Variants in PTPRD observed in about 807,000 individuals in gnomAD.
The protein encoded by PTPRD is protein tyrosine phosphatase receptor type D, also known as receptor-type tyrosine-protein phosphatase delta.
A neutral mutation model predicts 214.5 loss-of-function variants in PTPRD; 34 were observed. The ratio of observed to expected loss-of-function variants is 0.16; its 90% confidence interval spans 0.12 to 0.21. The LOEUF (loss-of-function observed/expected upper bound fraction) is 0.21. Ranked by LOEUF, PTPRD falls within the 10% of genes least tolerant of loss-of-function variation. PTPRD has a pLI of 1.00. For synonymous variants in PTPRD, 1,128 were observed against 845.7 expected (o/e 1.33, Z -5.79); for missense variants, 2,545 against 2,398.7 (o/e 1.06, Z -1.27).
intron 9 of PTPRD, among the ~76,000 whole-genome samples, chr9:9,239,450 G>A (rs971726401): frequency 9.9e-5 from 15 of 152,040 alleles, no homozygotes; most frequent in Admixed American, 2.6e-4. Context: ...ATGATAAATC[G>A]AACCTAAGAG....
intron 3 of PTPRD, among the ~76,000 whole-genome samples, chr9:10,089,206 A>AAAATAAAT (rs34355367): frequency 0.03 from 4,250 of 142,578 alleles, 92 homozygotes; most frequent in African/African-American, 0.048. Context: ...AATCAGTCTC[A>AAAATAAAT]AAATAAATAA....
chr9:8,325,981 G>A (rs887182244), intron 44 of PTPRD, among the ~76,000 whole-genome samples: 5 of 152,098 alleles, frequency 3.3e-5, no homozygotes, highest in Admixed American at 6.6e-5. Flanking sequence ...TGAGATGATG[G>A]GGTTTTCTAA....
At chr9:9,402,394 A>G (rs1168542176) in intron 8 of PTPRD, among the ~76,000 whole-genome samples, 3 of 152,158 alleles carry the variant, frequency 2.0e-5, no homozygotes, top group African/African-American at 7.2e-5. Context: ...GTTTGAATTT[A>G]TACCACCCAC....
intron 8 of PTPRD, among the ~76,000 whole-genome samples, chr9:9,560,369 A>C (rs978926050): frequency 4.6e-5 from 7 of 152,220 alleles, no homozygotes; most frequent in African/African-American, 1.7e-4. Context: ...TGCATCTTGC[A>C]GGGACTAGGC....
At chr9:8,688,917 T>C (rs1031205265) in intron 12 of PTPRD, among the ~76,000 whole-genome samples, 2 of 152,226 alleles carry the variant, frequency 1.3e-5, no homozygotes, top group African/African-American at 4.8e-5. Context: ...TATGCCTGTA[T>C]TCATATCATT....
chr9:9,476,109 G>A (rs2095019662), intron 8 of PTPRD, among the ~76,000 whole-genome samples: 1 of 152,134 alleles, frequency 6.6e-6, no homozygotes, highest in African/African-American at 2.4e-5. Flanking sequence ...TCATCTTTTG[G>A]TGAGAAAACA....
intron 5 of PTPRD, among the ~76,000 whole-genome samples, chr9:9,927,096 C>A (rs1402770860): frequency 6.6e-6 from 1 of 152,098 alleles, no homozygotes. Context: ...CCGCTATAAA[C>A]ATCACAGATT....
At chr9:8,734,663 G>T (rs747301225) in intron 11 of PTPRD, among the ~76,000 whole-genome samples, 1 of 152,230 alleles carries the variant, frequency 6.6e-6, no homozygotes, top group Non-Finnish European at 1.5e-5. Context: ...AGCACCTACT[G>T]TGTGCAAGGC....
intron 12 of PTPRD, among the ~76,000 whole-genome samples, chr9:8,708,302 C>T (rs781075947): frequency 1.3e-5 from 2 of 152,010 alleles, no homozygotes; most frequent in Non-Finnish European, 2.9e-5. Flanking sequence ...GAAAAGGGAA[C>T]CCATACACGC....
chr9:9,614,377 T>C (rs2094723386), intron 7 of PTPRD, among the ~76,000 whole-genome samples: 1 of 152,162 alleles, frequency 6.6e-6, no homozygotes, highest in African/African-American at 2.4e-5. Flanking sequence ...TTTTCTTTTA[T>C]TATTTTCTCT....
intron 11 of PTPRD, among the ~76,000 whole-genome samples, chr9:9,009,598 T>C (rs1041112442): frequency 6.6e-6 from 1 of 151,856 alleles, no homozygotes; most frequent in African/African-American, 2.4e-5. Flanking sequence ...ACTGTAAAAA[T>C]TTTTATGAGT....
At chr9:9,109,616 C>T (rs1414133728) in intron 10 of PTPRD, among the ~76,000 whole-genome samples, 1 of 152,010 alleles carries the variant, frequency 6.6e-6, no homozygotes, top group African/African-American at 2.4e-5. Flanking sequence ...AAGAGAGCCA[C>T]AAAGAGCTCA....
At chr9:8,461,981 C>A (rs1364228128) in intron 32 of PTPRD, among the ~76,000 whole-genome samples, 1 of 151,848 alleles carries the variant, frequency 6.6e-6, no homozygotes, top group Non-Finnish European at 1.5e-5. Context: ...CTATTCTCTA[C>A]TAGCATCTCT....
At chr9:10,570,436 T>C (rs1258768988) in intron 2 of PTPRD, among the ~76,000 whole-genome samples, 1 of 152,110 alleles carries the variant, frequency 6.6e-6, no homozygotes, top group Non-Finnish European at 1.5e-5. Flanking sequence ...TAAGGCAACA[T>C]AATTACTACA....
intron 3 of PTPRD, among the ~76,000 whole-genome samples, chr9:10,267,116 G>A (rs772101235): frequency 6.0e-5 from 9 of 150,916 alleles, no homozygotes; most frequent in South Asian, 4.2e-4. Flanking sequence ...GCCTGAACTC[G>A]GGGGGCAGAG....
chr9:10,193,486 C>T (rs1177715472), intron 3 of PTPRD, among the ~76,000 whole-genome samples: 1 of 151,922 alleles, frequency 6.6e-6, no homozygotes, highest in South Asian at 2.1e-4. Context: ...GAGTAATTGT[C>T]AAAAGGCAAA....
chr9:9,186,552 A>C (rs1444165592), intron 9 of PTPRD, among the ~76,000 whole-genome samples: 1 of 151,612 alleles, frequency 6.6e-6, no homozygotes, highest in East Asian at 2.0e-4. Context: ...TCGAGGGTGT[A>C]GTGAGCTGTA....
At chr9:9,942,895 G>GC (rs939675393) in intron 4 of PTPRD, among the ~76,000 whole-genome samples, 17 of 120,142 alleles carry the variant, frequency 1.4e-4, no homozygotes, top group Non-Finnish European at 2.3e-4. Context: ...GCTCTGAGTT[G>GC]TTTTTTTTTT....
chr9:10,296,450 C>A (rs138651201), intron 3 of PTPRD, among the ~76,000 whole-genome samples: 17 of 152,138 alleles, frequency 1.1e-4, no homozygotes, highest in African/African-American at 3.9e-4. Flanking sequence ...GTTTCCTTAC[C>A]CCAACCTAAT....
Sources: allele counts gnomAD v4.1 joint callset (sites outside exome capture counted in the v4.1 genomes callset), GRCh38; gene constraint gnomAD v4.1.1; transcripts MANE v1.5; gene names NCBI Gene and HGNC (gene_info 2026-07-23, HGNC 2026-07-21).